Variants in MROH7 observed in about 807,000 individuals in gnomAD.
MROH7 encodes the protein maestro heat like repeat family member 7.
A neutral mutation model predicts 129.2 loss-of-function variants in MROH7; 113 were observed. The ratio of observed to expected loss-of-function variants is 0.87; its 90% CI spans 0.75 to 1.02. The LOEUF (loss-of-function observed/expected upper bound fraction) is 1.02, where lower values mean the gene tolerates loss of function less well. Ranked by LOEUF, MROH7 falls within the 50% of genes least tolerant of loss-of-function variation. MROH7 has a pLI of 0.00. For synonymous variants in MROH7, 655 were observed against 667.9 expected (o/e 0.98, Z 0.30); for missense variants, 1,601 against 1,671.3 (o/e 0.96, Z 0.73).
intron 10 of MROH7, 89 bp downstream of exon 10, chr1:54,674,240 T>G: frequency 6.9e-7 from 1 of 1,452,892 alleles, no homozygotes; most frequent in Admixed American, 2.1e-5. Flanking sequence ...GCCTTGGCAT[T>G]AAGGCACTGG....
At chr1:54,668,087 C>T (rs1644840073) in intron 4 of MROH7, among the ~76,000 whole-genome samples, 2 of 152,220 alleles carry the variant, frequency 1.3e-5, no homozygotes, top group South Asian at 2.1e-4. Context: ...CCTCTCTTTG[C>T]ATGGTCTGTA....
In MROH7 at chr1:54,652,980, A is replaced by G. The variant is rs1384670162; in HGVS notation, c.54A>G (p.Thr18=). ...TCTTCCATGAAGACCCAAAGATGAC[A>G]CCAAGTCCCCCCTCCTGTGGGGCCC... ...NLVFHEDPKM[T]PSPPSCGAPG... The change falls in exon 3 of 24, where the codon ACA becomes ACG. Residue 18 remains threonine (T), a synonymous_variant. Transcript: ENST00000421030. 6.2e-7 allele frequency: 1 copy of G among 1,613,262 alleles called. No individual in the cohort carries two copies. Among genetic ancestry groups the G allele is most frequent in the Non-Finnish European group, 8.5e-7 (1 of 1,179,712 alleles).
chr1:54,699,159 T>TTTCTTTCTTTCTTTCTTTTC (rs71048705), intron 17 of MROH7: 10 of 65,974 alleles, frequency 1.5e-4, no homozygotes, highest in Non-Finnish European at 2.8e-4. Flanking sequence ...TCTTTCTTTC[T>TTTCTTTCTTTCTTTCTTTTC]TTTCTTTCTT....
chr1:54,673,886 T>C (rs1644941751), intron 9 of MROH7, 81 bp downstream of exon 9: 2 of 1,519,734 alleles, frequency 1.3e-6, no homozygotes, highest in South Asian at 2.3e-5. Context: ...TGTTCAGGGA[T>C]TCCCAGGTGG....
At chr1:54,675,766 T>C (rs1402477339) in intron 10 of MROH7, among the ~76,000 whole-genome samples, 1 of 151,370 alleles carries the variant, frequency 6.6e-6, no homozygotes, top group Non-Finnish European at 1.5e-5. Context: ...CCTGGCTAAA[T>C]TTTTTTTGTA....
intron 20 of MROH7, 49 bp from the exon 21 acceptor site, chr1:54,702,574 A>G (rs1329322561): frequency 2.0e-6 from 3 of 1,475,184 alleles, no homozygotes; most frequent in Non-Finnish European, 1.8e-6. Flanking sequence ...TTTCTGGACC[A>G]TAGTCTGGCT....
At chr1:54,658,240 C>T (rs535339963) in intron 3 of MROH7, among the ~76,000 whole-genome samples, 151 of 152,288 alleles carry the variant, frequency 9.9e-4, no homozygotes, top group African/African-American at 3.5e-3. Flanking sequence ...AAAAACTGTC[C>T]TTTCCCCAGT....
At chr1:54,693,071 C>T (rs572505935) in intron 16 of MROH7, among the ~76,000 whole-genome samples, 1 of 152,176 alleles carries the variant, frequency 6.6e-6, no homozygotes, top group Non-Finnish European at 1.5e-5. Context: ...GTGGCTCATG[C>T]CTGTAATCCC....
chr1:54,679,472 C>A, intron 12 of MROH7, 33 bp downstream of exon 12: 1 of 1,599,744 alleles, frequency 6.3e-7, no homozygotes, highest in South Asian at 1.1e-5. Flanking sequence ...AGTGAACTGT[C>A]ACTGGGGCTC....
At position 54,646,026 on chromosome 1, in the gene MROH7, A is replaced by C. The variant is rs147650065; in HGVS notation, c.-110+4058A>C. 6.2e-4 allele frequency among the ~76,000 whole-genome samples: 95 copies of C among 152,320 alleles called. No individual in the cohort carries two copies. In the East Asian group the frequency reaches 0.018, roughly 28 times the overall value. On this transcript the variant is annotated intron_variant, in intron 1 of 23. Coordinates refer to ENST00000421030, the MANE Select transcript of MROH7 (RefSeq NM_001039464.4). Reference sequence around the variant, plus strand: ...CAGTCCTGGCACAGGCCCGGTCTCCAGTGATATTTATGACTCCTCATTTGC... The same window carrying C: ...CAGTCCTGGCACAGGCCCGGTCTCCCGTGATATTTATGACTCCTCATTTGC...
chr1:54,656,461 G>A (rs943905894), intron 3 of MROH7, among the ~76,000 whole-genome samples: 6 of 138,874 alleles, frequency 4.3e-5, no homozygotes, highest in African/African-American at 8.2e-5. Context: ...AGTGAGCCGA[G>A]ATTGAGCCAC....
intron 17 of MROH7, chr1:54,699,974 TG>T: frequency 9.7e-6 from 6 of 617,052 alleles, no homozygotes; most frequent in Non-Finnish European, 1.8e-5. Flanking sequence ...TGGAACAGCC[TG>T]GGTAGTTCAG....
At chr1:54,669,855 T>G (rs1018728902) in intron 5 of MROH7, among the ~76,000 whole-genome samples, 3 of 151,846 alleles carry the variant, frequency 2.0e-5, no homozygotes, top group Non-Finnish European at 2.9e-5. Context: ...TAAAAAAAGC[T>G]TAGCCGGACA....
Position 54,670,927 on chromosome 1 carries a change from C to T in MROH7, c.1597C>T (p.Gln533Ter), listed in dbSNP as rs746123780. 1.9e-6 allele frequency: 3 copies of T among 1,599,910 alleles called. No homozygotes were observed. Among genetic ancestry groups the T allele is most frequent in the Middle Eastern group, 1.7e-4 (1 of 6,050 alleles). Residue 533 changes from glutamine (Q) to a stop codon, truncating the protein, a stop_gained and splice_region_variant, in exon 7 of 24, where the codon CAG becomes TAG. Transcript: ENST00000421030. LOFTEE classifies it high-confidence loss of function. The part of the protein sequence containing the change: ...EKDEAKAETI[Q>*]ALYHQTLEAL... Reference sequence around the variant, plus strand: ...GGACGAGGCCAAGGCTGAGACCATCCAGGTGAGGCGGGACCTTCCCAGCAG... The same window carrying T: ...GGACGAGGCCAAGGCTGAGACCATCTAGGTGAGGCGGGACCTTCCCAGCAG...
At chr1:54,668,434 G>A (rs1644845487) in intron 4 of MROH7, among the ~76,000 whole-genome samples, 1 of 152,134 alleles carries the variant, frequency 6.6e-6, no homozygotes, top group African/African-American at 2.4e-5. Context: ...GATGAGAACG[G>A]AGAGATTAGT....
At chr1:54,709,492 A>G (rs188400795) in intron 23 of MROH7, among the ~76,000 whole-genome samples, 89 of 152,186 alleles carry the variant, frequency 5.8e-4, no homozygotes, top group Non-Finnish European at 1.1e-3. Context: ...TGCTGGGATT[A>G]CAGGCATGAG....
chr1:54,702,030 CA>C lies in MROH7; in HGVS notation c.3286-59del. 4 of 1,419,308 alleles carry C rather than the reference CA, an allele frequency of 2.8e-6. No homozygotes were observed. In the South Asian group the frequency reaches 5.8e-5, roughly 21 times the overall value. 87.9% of individuals were successfully genotyped at this position (1,419,308 alleles called of 1,614,324 possible). On this transcript the variant is annotated intron_variant, in intron 19 of 23. Coordinates refer to ENST00000421030, the MANE Select transcript of MROH7 (RefSeq NM_001039464.4). ...AGTGAGAGGAACAATGGCTCTGAAT[CA>C]GCCGCAGTGAGTGGCGTCCCAGAGG... is the stretch of plus-strand genomic sequence containing the variant.
intron 15 of MROH7, among the ~76,000 whole-genome samples, chr1:54,692,129 G>A (rs560873520): frequency 7.2e-5 from 11 of 152,334 alleles, no homozygotes; most frequent in African/African-American, 2.6e-4. Context: ...AGTGAGCAGA[G>A]AGGCTGCCTG....
At chr1:54,691,170 G>A (rs544860894) in intron 15 of MROH7, among the ~76,000 whole-genome samples, 1 of 152,282 alleles carries the variant, frequency 6.6e-6, no homozygotes, top group Non-Finnish European at 1.5e-5. Context: ...TTGTAACTCT[G>A]AATGCTAGAG....
Sources: gnomAD v4.1 joint callset for allele counts (sites outside exome capture counted in the v4.1 genomes callset) on GRCh38, gnomAD v4.1.1 for gene constraint, MANE v1.5 for transcripts, NCBI Gene and HGNC (gene_info 2026-07-23, HGNC 2026-07-21) for gene names.